GLI3: variants seen among roughly 807,000 people sequenced by gnomAD.
GLI3 encodes transcription activator GLI3.
Under a neutral mutation model 100.8 loss-of-function variants are expected in GLI3, and 20 were observed. The observed-to-expected ratio is 0.20, with a 90% CI of 0.14 to 0.29. GLI3 has a LOEUF of 0.29. Among genes scored for constraint, GLI3 ranks in the 10% least tolerant of loss-of-function variants. The pLI, the probability that GLI3 is intolerant of heterozygous loss-of-function variation, is 1.00. For synonymous variants in GLI3, 938 were observed against 860.5 expected, an observed-to-expected ratio of 1.09 and a Z score of -1.58; for missense variants, 2,040 against 2,128.5, an observed-to-expected ratio of 0.96 and a Z score of 0.82.
intron 7 of GLI3, among the ~76,000 whole-genome samples, chr7:42,029,709 C>CT (rs1189560004): frequency 6.6e-6 from 1 of 152,108 alleles, no homozygotes; most frequent in Non-Finnish European, 1.5e-5. Context: ...TGGCCACTTC[C>CT]TTTTTTACAT....
At position 42,139,795 on chromosome 7, in the gene GLI3, G is replaced by A. The variant is rs1362629333; in HGVS notation, c.367+8431C>T. Among the ~76,000 whole-genome samples the A allele has an allele frequency of 2.6e-5, 4 of 152,352 alleles. No individual in the cohort carries two copies. The East Asian group carries it at 7.7e-4, about 29-fold the overall frequency. The stretch of plus-strand genomic sequence containing the variant: ...GGAGGGGAGCCCTGTGACCTGCGAT[G>A]GAGTCGCACGCTGTCAAATTGAAAG... On this transcript the variant is annotated intron_variant, in intron 3 of 14. Transcript: ENST00000395925.
chr7:42,239,053 C>T (rs531475016), upstream of GLI3, among the ~76,000 whole-genome samples: 100 of 152,356 alleles, frequency 6.6e-4, 1 homozygote, highest in Non-Finnish European at 1.2e-3. Context: ...GTCACAATGA[C>T]ATGACAAGTG....
At chr7:42,254,306 A>T (rs1301587340) in intron 1 of GLI3, among the ~76,000 whole-genome samples, 1 of 152,134 alleles carries the variant, frequency 6.6e-6, no homozygotes, top group Admixed American at 6.5e-5. Context: ...TCACAGCCTG[A>T]AGCCCAGCAT....
chr7:42,044,682 T>C (rs1166965286), intron 6 of GLI3, among the ~76,000 whole-genome samples: 3 of 152,190 alleles, frequency 2.0e-5, no homozygotes, highest in African/African-American at 7.2e-5. Flanking sequence ...ACTGTCTTAG[T>C]GGAATACAAT....
intron 10 of GLI3, among the ~76,000 whole-genome samples, chr7:41,993,489 G>A (rs140596771): frequency 1.3e-3 from 199 of 151,986 alleles, no homozygotes; most frequent in African/African-American, 4.6e-3. Flanking sequence ...CTTTTTTCCC[G>A]TGGCCCTTAT....
intron 1 of GLI3, among the ~76,000 whole-genome samples, chr7:42,233,521 C>T (rs1030741097): frequency 6.6e-6 from 1 of 152,108 alleles, no homozygotes; most frequent in Admixed American, 6.5e-5. Context: ...GGCGTTACTG[C>T]TCAAGTTATA....
At chr7:42,026,510 C>A in intron 7 of GLI3, 98 bp from the exon 8 acceptor site, 1 of 942,808 alleles carries the variant, frequency 1.1e-6, no homozygotes. Flanking sequence ...TTTACCATCC[C>A]AAATCAAATT....
At chr7:42,053,035 C>T (rs1228335179) in intron 4 of GLI3, among the ~76,000 whole-genome samples, 1 of 152,200 alleles carries the variant, frequency 6.6e-6, no homozygotes, top group African/African-American at 2.4e-5. Context: ...ACTCTTGTTG[C>T]CCGGGCTGGA....
chr7:42,129,449 A>G (rs1240127277), intron 3 of GLI3, among the ~76,000 whole-genome samples: 1 of 152,268 alleles, frequency 6.6e-6, no homozygotes, highest in Non-Finnish European at 1.5e-5. Context: ...CATGGTGCGT[A>G]GAGAAGCAGC....
At chr7:42,210,083 C>T (rs1562787334) in intron 2 of GLI3, among the ~76,000 whole-genome samples, 3 of 150,626 alleles carry the variant, frequency 2.0e-5, no homozygotes, top group African/African-American at 7.3e-5. Context: ...TTCTCAGATG[C>T]CTCTCCATCA....
Position 41,972,494 on chromosome 7 carries a change from C to T in GLI3, c.1946G>A (p.Arg649Gln), listed in dbSNP as rs1233442338. 5.6e-6 allele frequency: 9 copies of T among 1,612,952 alleles called. No individual in the cohort carries two copies. The highest frequency in any genetic ancestry group is 5.9e-6 in the Non-Finnish European group (7 of 1,179,828). The change falls in exon 13 of 15, where the codon CGG (arginine) becomes CAG (glutamine). Residue 649 changes from arginine (R) to glutamine (Q), a missense_variant. By Grantham distance (43) the Arg-to-Gln change is conservative (BLOSUM62 1). This residue lies in a region of GLI3 where 327 missense variants were observed against 338.7 expected (regional missense o/e 0.97). Transcript: ENST00000395925. This position sits in a 1 kb window ranked among gnomAD's most constrained non-coding sequence, Gnocchi z 4.4. ...GCCGGAATCTCTCGGGGGTGGCGGC[C>T]GAGGATGGATGTCCCCTCGCTGCTT... ...TKKQRGDIHP[R>Q]PPPPRDSGSH...
intron 2 of GLI3, among the ~76,000 whole-genome samples, chr7:42,173,269 A>C (rs1787413430): frequency 6.6e-6 from 1 of 152,194 alleles, no homozygotes; most frequent in Non-Finnish European, 1.5e-5. Context: ...AATGCCTAAC[A>C]CAGAGACAGA....
intron 10 of GLI3, among the ~76,000 whole-genome samples, chr7:41,984,011 C>T (rs1423437379): frequency 2.6e-5 from 4 of 152,102 alleles, no homozygotes; most frequent in Admixed American, 6.5e-5. Flanking sequence ...TTTGGGGCTC[C>T]GGGAGCCCAT....
At chr7:42,187,223 A>G (rs1444352848) in intron 2 of GLI3, among the ~76,000 whole-genome samples, 1 of 152,040 alleles carries the variant, frequency 6.6e-6, no homozygotes, top group Admixed American at 6.6e-5. Context: ...AAAAAAAAAA[A>G]AAACATGAAG....
chr7:42,108,652 G>C (rs1283677694), intron 3 of GLI3, among the ~76,000 whole-genome samples: 1 of 152,014 alleles, frequency 6.6e-6, no homozygotes, highest in Non-Finnish European at 1.5e-5. Context: ...AAAGTAAGAG[G>C]ATAGGAAATA....
At chr7:42,060,335 C>CACA (rs1297940614) in intron 4 of GLI3, among the ~76,000 whole-genome samples, 3 of 152,108 alleles carry the variant, frequency 2.0e-5, no homozygotes, top group African/African-American at 7.2e-5. Flanking sequence ...CGGGTGAGTT[C>CACA]AGCTATGATG....
chr7:41,989,520 C>T (rs918194284), intron 10 of GLI3, among the ~76,000 whole-genome samples: 10 of 152,104 alleles, frequency 6.6e-5, no homozygotes, highest in African/African-American at 1.9e-4. Flanking sequence ...CTCTTATGCA[C>T]GATCATTCCT....
intron 7 of GLI3, among the ~76,000 whole-genome samples, chr7:42,037,665 G>A (rs1784042091): frequency 6.6e-6 from 1 of 152,164 alleles, no homozygotes; most frequent in African/African-American, 2.4e-5. Context: ...AGAAAATGAG[G>A]ACACAATGGG....
rs755527500 is a variant in GLI3 at position 41,966,146 on chromosome 7, G to A, written c.2927C>T (p.Pro976Leu). Residue 976 changes from proline to leucine, a missense_variant, in exon 15 of 15, where the codon CCG (proline) becomes CTG (leucine). Coordinates refer to ENST00000395925, the MANE Select transcript of GLI3 (RefSeq NM_000168.6). This position sits in a 1 kb window ranked among gnomAD's most constrained non-coding sequence, Gnocchi z 5.8. The stretch of plus-strand genomic sequence containing the variant: ...GGCTCCCCCGTCGCTGCACCTCCTC[G>A]GGGCATGAACTGGAGGCAGGGCCAC... Reference protein sequence around the residue: ...PGVALPPVHAPRRCSDGGAHG... With the variant: ...PGVALPPVHALRRCSDGGAHG... 1 of 1,595,534 alleles carries A rather than the reference G, an allele frequency of 6.3e-7. No homozygotes were observed. The highest frequency in any genetic ancestry group is 8.5e-7 in the Non-Finnish European group (1 of 1,174,922).
Sources: allele counts gnomAD v4.1 joint callset (sites outside exome capture counted in the v4.1 genomes callset), GRCh38; gene constraint gnomAD v4.1.1; regional missense constraint gnomAD v4.1.1; non-coding constraint Gnocchi (gnomAD v3.1); transcripts MANE v1.5; gene names NCBI Gene and HGNC (gene_info 2026-07-23, HGNC 2026-07-21).